The following POLR1B variants were observed in gnomAD, a reference collection of about 807,000 sequenced individuals.
POLR1B encodes DNA-directed RNA polymerase I subunit RPA2.
Under a neutral mutation model 105.8 loss-of-function variants are expected in POLR1B, and 30 were observed. The observed-to-expected ratio is 0.28, with a 90% CI of 0.21 to 0.38. The LOEUF (loss-of-function observed/expected upper bound fraction) is 0.38. POLR1B is among the 10% of genes least tolerant of loss of function. The pLI, the probability that POLR1B is intolerant of heterozygous loss-of-function variation, is 1.00. For synonymous variants in POLR1B, 485 were observed against 505.1 expected, an observed-to-expected ratio of 0.96 and a Z score of 0.53; for missense variants, 976 against 1,435.8, an observed-to-expected ratio of 0.68 and a Z score of 5.17.
At chr2:112,546,631 T>G (rs6715788) in intron 1 of POLR1B, among the ~76,000 whole-genome samples, 116,708 of 145,708 alleles carry the variant, frequency 0.8, 46,800 homozygotes, top group Middle Eastern at 0.88. Flanking sequence ...GCGTGATCTC[T>G]GCTCACTGCA....
At chr2:112,560,795 G>T (rs966814092) in intron 9 of POLR1B, among the ~76,000 whole-genome samples, 1 of 152,140 alleles carries the variant, frequency 6.6e-6, no homozygotes, top group South Asian at 2.1e-4. Context: ...GGTGGCCCAT[G>T]CCTGTAATCC....
chr2:112,561,074 A>C (rs1432343903), intron 9 of POLR1B, among the ~76,000 whole-genome samples: 1 of 151,696 alleles, frequency 6.6e-6, no homozygotes, highest in Non-Finnish European at 1.5e-5. Context: ...AAAAAAAAAA[A>C]AGAGAGAGAG....
intron 7 of POLR1B, among the ~76,000 whole-genome samples, chr2:112,554,076 C>T (rs1683517377): frequency 6.6e-6 from 1 of 151,922 alleles, no homozygotes; most frequent in Non-Finnish European, 1.5e-5. Flanking sequence ...GATCCACCTG[C>T]CTCAGCCTCC....
intron 12 of POLR1B, among the ~76,000 whole-genome samples, chr2:112,572,289 G>T (rs747929760): frequency 6.6e-6 from 1 of 152,236 alleles, no homozygotes; most frequent in African/African-American, 2.4e-5. Flanking sequence ...ATTGTTTGGG[G>T]TGTGTTGCAA....
In POLR1B at chr2:112,579,034, C is replaced by T. The variant is rs570392357; in HGVS notation, c.*3305C>T. Among the ~76,000 whole-genome samples, 2 of 151,586 alleles carry T rather than the reference C, an allele frequency of 1.3e-5. No individual in the cohort carries two copies. Among genetic ancestry groups the T allele is most frequent in the South Asian group, 4.2e-4 (2 of 4,792 alleles). ...ACCAGCCTGGCCATCATGGGGAAACCCCGTCTCTATTAAAAATACAAAAAT... is the reference window on the plus strand; with the variant it reads ...ACCAGCCTGGCCATCATGGGGAAACTCCGTCTCTATTAAAAATACAAAAAT... On this transcript the variant is annotated 3_prime_UTR_variant, in exon 15 of 15. Transcript: ENST00000263331.
chr2:112,544,746 C>T (rs1022095890), intron 1 of POLR1B, among the ~76,000 whole-genome samples: 2 of 152,050 alleles, frequency 1.3e-5, no homozygotes, highest in African/African-American at 4.8e-5. Flanking sequence ...ACTTATAAAG[C>T]CAAGGGAAAA....
chr2:112,547,468 G>C lies in POLR1B; in HGVS notation c.393G>C (p.Lys131Asn). ...AVNGISKGII[K>N]QFLGYVPIMV... ...ATGGAATCTCAAAAGGAATCATTAA[G>C]CAGTTTCTTGGCTATGTTCCCATCA... Residue 131 changes from lysine to asparagine, a missense_variant, in exon 3 of 15, where the codon AAG becomes AAC. Transcript: ENST00000263331. 1 of 1,614,154 alleles carries C rather than the reference G, an allele frequency of 6.2e-7. No homozygotes were observed. The highest frequency in any genetic ancestry group is 8.5e-7 in the Non-Finnish European group (1 of 1,179,992).
intron 13 of POLR1B, 112 bp downstream of exon 13, chr2:112,572,870 C>A: frequency 3.4e-6 from 3 of 875,292 alleles, no homozygotes; most frequent in South Asian, 4.2e-5. Flanking sequence ...GTATTTGGCA[C>A]GTGATGTTCT....
intron 7 of POLR1B, among the ~76,000 whole-genome samples, chr2:112,556,578 T>C (rs72946376): frequency 0.032 from 4,864 of 152,262 alleles, 273 homozygotes; most frequent in African/African-American, 0.11. Flanking sequence ...GTCTTCCAAG[T>C]GTGAGTGTTC....
chr2:112,558,374 G>T (rs1228601736), intron 8 of POLR1B, among the ~76,000 whole-genome samples: 3 of 152,096 alleles, frequency 2.0e-5, no homozygotes, highest in Non-Finnish European at 4.4e-5. Context: ...TGCTGTACAT[G>T]CCCATCTCTA....
At chr2:112,558,492 A>C (rs1269753808) in intron 8 of POLR1B, among the ~76,000 whole-genome samples, 1 of 152,150 alleles carries the variant, frequency 6.6e-6, no homozygotes, top group Non-Finnish European at 1.5e-5. Context: ...TGATCCTAGG[A>C]GGTCAAGGCT....
At chr2:112,552,907 A>G in intron 7 of POLR1B, 91 bp downstream of exon 7, 1 of 1,209,970 alleles carries the variant, frequency 8.3e-7, no homozygotes, top group Non-Finnish European at 1.1e-6. Flanking sequence ...GCATGTTTAT[A>G]GTTTCTAGTT....
chr2:112,577,355 G>A lies in POLR1B; in HGVS notation c.*1626G>A, dbSNP rs1419596704. On this transcript the variant is annotated 3_prime_UTR_variant, in exon 15 of 15. Coordinates refer to ENST00000263331, the MANE Select transcript of POLR1B (RefSeq NM_019014.6). Reference sequence around the variant, plus strand: ...TGCCTGGGAGTTCTAGACTAGCCTGGGCGAGACTTCATCTCTACAAAAAAA... The same window carrying A: ...TGCCTGGGAGTTCTAGACTAGCCTGAGCGAGACTTCATCTCTACAAAAAAA... 6.6e-6 allele frequency among the ~76,000 whole-genome samples: 1 copy of A among 152,156 alleles called. No homozygotes were observed. Among genetic ancestry groups the A allele is most frequent in the Non-Finnish European group, 1.5e-5 (1 of 68,044 alleles).
chr2:112,569,830 A>G (rs1684498374), intron 12 of POLR1B, among the ~76,000 whole-genome samples: 1 of 151,770 alleles, frequency 6.6e-6, no homozygotes. Flanking sequence ...AAAGTGCTGT[A>G]TTACAGGCGT....
intron 13 of POLR1B, 98 bp downstream of exon 13, chr2:112,572,856 C>T: frequency 9.2e-7 from 1 of 1,087,684 alleles, no homozygotes; most frequent in African/African-American, 1.6e-5. Context: ...TACCCAAGTA[C>T]CTAGTATTTG....
chr2:112,557,827 C>A, intron 7 of POLR1B, 83 bp from the exon 8 acceptor site: 1 of 698,068 alleles, frequency 1.4e-6, no homozygotes, highest in Middle Eastern at 5.6e-4. Flanking sequence ...CTCAAGCGAT[C>A]CACCCAATCC....
chr2:112,572,313 G>A (rs912984078), intron 12 of POLR1B, among the ~76,000 whole-genome samples: 8 of 152,112 alleles, frequency 5.3e-5, no homozygotes, highest in African/African-American at 1.4e-4. Flanking sequence ...CACATAAATC[G>A]TATCATATTA....
intron 3 of POLR1B, chr2:112,548,212 A>T (rs1270042962): frequency 6.6e-6 from 1 of 152,248 alleles, no homozygotes; most frequent in Non-Finnish European, 1.5e-5. Flanking sequence ...CCTACTAAAT[A>T]GGTAGATGGT....
At position 112,575,619 on chromosome 2, in the gene POLR1B, C is replaced by T. The variant is rs1372765897; in HGVS notation, c.3298C>T (p.Leu1100=). 2 of 1,614,040 alleles carry T rather than the reference C, an allele frequency of 1.2e-6. No homozygotes were observed. The highest frequency in any genetic ancestry group is 2.7e-5 in the African/African-American group (2 of 74,922). ...AMRNRKYNCT[L]CSRSDTIDTV... Reference sequence around the variant, plus strand: ...GCGCAACAGAAAATACAACTGTACTCTGTGTAGTCGCAGTGACACTATCGA... The same window carrying T: ...GCGCAACAGAAAATACAACTGTACTTTGTGTAGTCGCAGTGACACTATCGA... Residue 1100 remains leucine, a synonymous_variant, in exon 15 of 15, where the codon CTG becomes TTG. Transcript: ENST00000263331. The surrounding 1 kb of genome is among the most constrained non-coding windows in gnomAD (Gnocchi z 5.3).
Sources: allele counts gnomAD v4.1 joint callset (sites outside exome capture counted in the v4.1 genomes callset), GRCh38; gene constraint gnomAD v4.1.1; non-coding constraint Gnocchi (gnomAD v3.1); transcripts MANE v1.5; gene names NCBI Gene and HGNC (gene_info 2026-07-23, HGNC 2026-07-21).